Variants in ST3GAL3 observed in about 807,000 individuals in gnomAD.
The protein encoded by ST3GAL3 is CMP-N-acetylneuraminate-beta-1,4-galactoside alpha-2,3-sialyltransferase.
In ST3GAL3, 21 loss-of-function variants were observed where a neutral mutation model predicts 50.1. That is an observed-to-expected ratio of 0.42 (90% CI 0.30 to 0.60). The LOEUF is 0.60. Among genes scored for constraint, ST3GAL3 ranks in the 20% least tolerant of loss-of-function variants. ST3GAL3 has a pLI of 0.19. For synonymous variants in ST3GAL3, 183 were observed against 190.0 expected (o/e 0.96, Z 0.30); for missense variants, 353 against 489.4 (o/e 0.72, Z 2.63).
intron 5 of ST3GAL3, among the ~76,000 whole-genome samples, chr1:43,866,897 C>T (rs1297388880): frequency 3.9e-5 from 6 of 152,040 alleles, no homozygotes; most frequent in Non-Finnish European, 7.4e-5. Flanking sequence ...TTTGGGAGGC[C>T]GTGGTGGGTG....
intron 5 of ST3GAL3, among the ~76,000 whole-genome samples, chr1:43,870,702 A>G (rs1489108190): frequency 3.9e-5 from 6 of 152,172 alleles, no homozygotes; most frequent in Non-Finnish European, 5.9e-5. Flanking sequence ...TGGTTTGTGC[A>G]TGTGAACTGT....
At chr1:43,800,938 T>C (rs551374086) in intron 3 of ST3GAL3, among the ~76,000 whole-genome samples, 1 of 152,208 alleles carries the variant, frequency 6.6e-6, no homozygotes, top group Non-Finnish European at 1.5e-5. Flanking sequence ...AGAGCTGTTT[T>C]GGCTAGGGTA....
chr1:43,896,246 G>A (rs1300850605), intron 6 of ST3GAL3, among the ~76,000 whole-genome samples: 3 of 146,768 alleles, frequency 2.0e-5, no homozygotes, highest in Admixed American at 6.7e-5. Flanking sequence ...TCAGTGTCCC[G>A]GAGAAATCCA....
intron 5 of ST3GAL3, among the ~76,000 whole-genome samples, chr1:43,874,902 G>A (rs1463152498): frequency 6.6e-6 from 1 of 152,196 alleles, no homozygotes; most frequent in Non-Finnish European, 1.5e-5. Context: ...GAATGACTGA[G>A]CTGATAACAT....
intron 2 of ST3GAL3, among the ~76,000 whole-genome samples, chr1:43,744,652 CAAAAAATA>C (rs1270673328): frequency 2.3e-5 from 1 of 44,218 alleles, no homozygotes; most frequent in Non-Finnish European, 6.4e-5. Flanking sequence ...GACTCCCTCT[CAAAAAATA>C]AATAAATAAA....
chr1:43,764,577 G>A (rs1691830548), intron 2 of ST3GAL3, among the ~76,000 whole-genome samples: 1 of 152,196 alleles, frequency 6.6e-6, no homozygotes, highest in South Asian at 2.1e-4. Context: ...AAAAGAAAAG[G>A]GAAAGATGTG....
At chr1:43,762,166 G>T (rs997653688) in intron 2 of ST3GAL3, among the ~76,000 whole-genome samples, 8 of 150,882 alleles carry the variant, frequency 5.3e-5, no homozygotes, top group Non-Finnish European at 1.0e-4. Context: ...AGCCACTTGG[G>T]AGGCTAAGGC....
At chr1:43,812,420 C>T (rs2060668651) in intron 3 of ST3GAL3, among the ~76,000 whole-genome samples, 1 of 152,172 alleles carries the variant, frequency 6.6e-6, no homozygotes, top group South Asian at 2.1e-4. Context: ...AGTGGGTTCA[C>T]AATTACCTTT....
intron 1 of ST3GAL3, among the ~76,000 whole-genome samples, chr1:43,713,924 T>C (rs1413757468): frequency 3.3e-5 from 5 of 152,124 alleles, no homozygotes. Flanking sequence ...CTGGGAGTGT[T>C]AGGCATAAGG....
At chr1:43,771,953 T>C in intron 2 of ST3GAL3, 2 of 398,286 alleles carry the variant, frequency 5.0e-6, no homozygotes, top group Non-Finnish European at 8.8e-6. Flanking sequence ...TTCAGGAGCA[T>C]GGAAGTTAAA....
chr1:43,730,039 G>A (rs1424668667), intron 1 of ST3GAL3, among the ~76,000 whole-genome samples: 2 of 152,130 alleles, frequency 1.3e-5, no homozygotes, highest in Non-Finnish European at 2.9e-5. Flanking sequence ...ACAGGATCTC[G>A]GGATATTGTT....
intron 5 of ST3GAL3, chr1:43,851,412 T>C (rs2067281494): frequency 1.2e-6 from 2 of 1,611,340 alleles, no homozygotes; most frequent in Admixed American, 3.3e-5. Context: ...CCCCCAGCAC[T>C]GTGGGTCCAG....
chr1:43,857,109 C>T (rs190656819), intron 5 of ST3GAL3, among the ~76,000 whole-genome samples: 1 of 152,256 alleles, frequency 6.6e-6, no homozygotes, highest in Admixed American at 6.5e-5. Flanking sequence ...GTTTCTCCTA[C>T]CCCAGGACAG....
intron 1 of ST3GAL3, among the ~76,000 whole-genome samples, chr1:43,728,826 C>T (rs1674238352): frequency 6.6e-6 from 1 of 152,126 alleles, no homozygotes. Context: ...GTATATATAA[C>T]ACACATATAT....
chr1:43,863,734 CAG>C (rs1340009525), intron 5 of ST3GAL3, among the ~76,000 whole-genome samples: 2 of 152,136 alleles, frequency 1.3e-5, no homozygotes, highest in Admixed American at 1.3e-4. Flanking sequence ...CCCAGTCTGG[CAG>C]AGAGTGTCCT....
chr1:43,889,804 T>C lies in ST3GAL3; in HGVS notation c.303-4579T>C, dbSNP rs531978183. ...AATTTTTTGCTGTGTGAATTACATATCATAAAGCTGTTTTAAAAAAGAAAA... is the reference window on the plus strand; with the variant it reads ...AATTTTTTGCTGTGTGAATTACATACCATAAAGCTGTTTTAAAAAAGAAAA... On this transcript the variant is annotated intron_variant, in intron 5 of 11. Coordinates refer to ENST00000347631, the MANE Select transcript of ST3GAL3 (RefSeq NM_006279.5). Among the ~76,000 whole-genome samples, 23 of 152,300 alleles carry C rather than the reference T, an allele frequency of 1.5e-4. No individual in the cohort carries two copies. The South Asian group carries it at 4.6e-3, about 30-fold the overall frequency.
intron 4 of ST3GAL3, among the ~76,000 whole-genome samples, chr1:43,819,439 T>C (rs1018517430): frequency 1.3e-5 from 2 of 152,074 alleles, no homozygotes; most frequent in African/African-American, 2.4e-5. Flanking sequence ...TTTGATTTTT[T>C]CCCCCATCTA....
At chr1:43,733,557 TC>T (rs1293496123) in intron 1 of ST3GAL3, among the ~76,000 whole-genome samples, 2 of 152,242 alleles carry the variant, frequency 1.3e-5, no homozygotes, top group Non-Finnish European at 2.9e-5. Flanking sequence ...TCTGTTCTCT[TC>T]CATTGACCTG....
intron 1 of ST3GAL3, among the ~76,000 whole-genome samples, chr1:43,735,639 T>C (rs569006142): frequency 6.6e-6 from 1 of 152,216 alleles, no homozygotes; most frequent in African/African-American, 2.4e-5. Flanking sequence ...CACCTTGGTT[T>C]TGGCCTTGTG....
Sources: allele counts gnomAD v4.1 joint callset (sites outside exome capture counted in the v4.1 genomes callset), GRCh38; gene constraint gnomAD v4.1.1; transcripts MANE v1.5; gene names NCBI Gene and HGNC (gene_info 2026-07-23, HGNC 2026-07-21).